The following PCDH11Y variants were observed in gnomAD, a reference collection of about 807,000 sequenced individuals.
PCDH11Y encodes the protein protocadherin-11 Y-linked.
For synonymous variants in PCDH11Y, 9 were observed against 83.6 expected (o/e 0.11, Z 4.87); for missense variants, 12 against 224.8 (o/e 0.05, Z 6.05).
chrY:5,477,736 T>A, intron 2 of PCDH11Y, among the ~76,000 whole-genome samples: 3 of 33,264 alleles, frequency 9.0e-5, no homozygotes, highest in Admixed American at 8.2e-4. Flanking sequence ...CCTGGTTTAG[T>A]CTTGGGAGGG....
intron 2 of PCDH11Y, among the ~76,000 whole-genome samples, chrY:5,381,808 C>T (rs2053205499): frequency 6.0e-4 from 20 of 33,368 alleles, no homozygotes; most frequent in African/African-American, 2.1e-3. Context: ...TCACTTCACA[C>T]GTGTGAAGTA....
intron 2 of PCDH11Y, among the ~76,000 whole-genome samples, chrY:5,342,554 A>G: frequency 3.0e-5 from 1 of 33,485 alleles, no homozygotes; most frequent in Non-Finnish European, 7.4e-5. Flanking sequence ...TAAATGTCAA[A>G]TGTATTTATG....
chrY:5,010,205 C>CA lies in PCDH11Y; in HGVS notation c.-134+9618dup, dbSNP rs2052546937. Among the ~76,000 whole-genome samples the CA allele has an allele frequency of 0.012, 94 of 7,677 alleles. No individual in the cohort carries two copies. In the South Asian group the frequency reaches 0.16, roughly 13 times the overall value. 20.6% of individuals were successfully genotyped at this position (7,677 alleles called of 37,273 possible). ...CTGGCGACAGAGCAGGACTCCGTCTCAAAAAAAAAAAAAAAAAAGAAAAAG... is the reference window on the plus strand; with the variant it reads ...CTGGCGACAGAGCAGGACTCCGTCTCAAAAAAAAAAAAAAAAAAAGAAAAAG... On this transcript the variant is annotated intron_variant, in intron 1 of 5. Transcript: ENST00000333703.
chrY:5,211,642 T>C (rs2124651055), intron 2 of PCDH11Y, among the ~76,000 whole-genome samples: 1 of 32,337 alleles, frequency 3.1e-5, no homozygotes, highest in East Asian at 8.3e-4. Flanking sequence ...AAAGGAATGA[T>C]TTAACATTGT....
chrY:5,308,743 T>C, intron 2 of PCDH11Y, among the ~76,000 whole-genome samples: 2 of 33,700 alleles, frequency 5.9e-5, no homozygotes, highest in Non-Finnish European at 1.5e-4. Context: ...TAGACCATTT[T>C]TGTTAAGCTC....
At chrY:5,729,577 C>G in intron 4 of PCDH11Y, among the ~76,000 whole-genome samples, 1 of 31,779 alleles carries the variant, frequency 3.1e-5, no homozygotes, top group East Asian at 8.4e-4. Flanking sequence ...GTTGTCTGTT[C>G]ACCTGGTTGA....
At chrY:5,448,071 CCATTTG>C (rs2053289201) in intron 2 of PCDH11Y, among the ~76,000 whole-genome samples, 1 of 31,532 alleles carries the variant, frequency 3.2e-5, no homozygotes, top group Admixed American at 3.0e-4. Flanking sequence ...TGGAAAGTCT[CCATTTG>C]CATTTCAGGC....
At chrY:5,525,072 G>C in intron 3 of PCDH11Y, among the ~76,000 whole-genome samples, 1 of 20,463 alleles carries the variant, frequency 4.9e-5, no homozygotes, top group Admixed American at 5.5e-4. Flanking sequence ...GATTGGACAT[G>C]CTGTTTCAGA....
intron 1 of PCDH11Y, among the ~76,000 whole-genome samples, chrY:5,081,536 CTT>C: frequency 3.2e-5 from 1 of 31,610 alleles, no homozygotes; most frequent in Non-Finnish European, 7.6e-5. Flanking sequence ...TTTGTGTCCT[CTT>C]TGATTTCCTT....
intron 2 of PCDH11Y, among the ~76,000 whole-genome samples, chrY:5,413,998 T>G: frequency 3.0e-5 from 1 of 33,292 alleles, no homozygotes; most frequent in Non-Finnish European, 7.4e-5. Flanking sequence ...TTTTTCTTTA[T>G]CTAGCTAGCA....
intron 1 of PCDH11Y, among the ~76,000 whole-genome samples, chrY:5,020,560 TG>T (rs2052568193): frequency 3.0e-5 from 1 of 33,481 alleles, no homozygotes; most frequent in Non-Finnish European, 7.4e-5. Flanking sequence ...CTGAGTTTCC[TG>T]GTTGTGAAAT....
chrY:5,461,300 A>G (rs2053303020), intron 2 of PCDH11Y, among the ~76,000 whole-genome samples: 4 of 33,465 alleles, frequency 1.2e-4, no homozygotes, highest in Admixed American at 1.1e-3. Flanking sequence ...GTGTATGTGT[A>G]CAAGCTCAGA....
chrY:5,624,969 C>T, intron 4 of PCDH11Y, among the ~76,000 whole-genome samples: 1 of 32,528 alleles, frequency 3.1e-5, no homozygotes. Context: ...GTGTAAATTG[C>T]TTTGGGCACT....
chrY:5,284,479 T>TTA (rs2053057883), intron 2 of PCDH11Y, among the ~76,000 whole-genome samples: 1 of 31,835 alleles, frequency 3.1e-5, no homozygotes, highest in Non-Finnish European at 7.7e-5. Context: ...TTTGAAAAAC[T>TTA]TATATATATA....
chrY:5,095,692 T>C, intron 1 of PCDH11Y, among the ~76,000 whole-genome samples: 1 of 32,196 alleles, frequency 3.1e-5, no homozygotes, highest in Non-Finnish European at 7.6e-5. Context: ...TGTCATGAAA[T>C]TCTATTTTTT....
intron 2 of PCDH11Y, among the ~76,000 whole-genome samples, chrY:5,426,868 C>T: frequency 3.0e-5 from 1 of 33,177 alleles, no homozygotes; most frequent in East Asian, 7.9e-4. Context: ...AAATGGCAAG[C>T]ATTTACTAAA....
intron 3 of PCDH11Y, among the ~76,000 whole-genome samples, chrY:5,569,941 A>C: frequency 3.1e-5 from 1 of 32,695 alleles, no homozygotes; most frequent in Non-Finnish European, 7.5e-5. Flanking sequence ...CTTGTTATAT[A>C]AGAACTAAAA....
At chrY:5,445,593 G>C in intron 2 of PCDH11Y, among the ~76,000 whole-genome samples, 1 of 29,401 alleles carries the variant, frequency 3.4e-5, no homozygotes, top group Non-Finnish European at 8.1e-5. Flanking sequence ...AGAATGTCCT[G>C]ACTCTTGTGG....
At chrY:5,704,129 T>G in intron 4 of PCDH11Y, among the ~76,000 whole-genome samples, 2 of 32,470 alleles carry the variant, frequency 6.2e-5, no homozygotes, top group Non-Finnish European at 1.5e-4. Context: ...TCAGAAAGCT[T>G]ACAATCATGG....
Sources: gnomAD v4.1 joint callset for allele counts (sites outside exome capture counted in the v4.1 genomes callset) on GRCh38, gnomAD v4.1.1 for gene constraint, MANE v1.5 for transcripts, NCBI Gene and HGNC (gene_info 2026-07-23, HGNC 2026-07-21) for gene names.